Variants in PDE8A observed in about 807,000 individuals in gnomAD.
PDE8A encodes high affinity cAMP-specific and IBMX-insensitive 3',5'-cyclic phosphodiesterase 8A.
Under a neutral mutation model 105.0 loss-of-function variants are expected in PDE8A, and 59 were observed. The observed-to-expected ratio is 0.56, with a 90% CI of 0.46 to 0.70. The LOEUF (loss-of-function observed/expected upper bound fraction) is 0.70, where lower values mean the gene tolerates loss of function less well. Ranked by LOEUF, PDE8A falls within the 30% of genes least tolerant of loss-of-function variation. The pLI is 0.00. For synonymous variants in PDE8A, 355 were observed against 371.9 expected (o/e 0.95, Z 0.52); for missense variants, 1,014 against 1,045.9 (o/e 0.97, Z 0.42).
chr15:85,007,505 G>A (rs1453984405), intron 1 of PDE8A, among the ~76,000 whole-genome samples: 5 of 151,368 alleles, frequency 3.3e-5, no homozygotes, highest in Admixed American at 2.6e-4. Context: ...GTACAGTTAC[G>A]CTATATGTAC....
At chr15:85,094,688 C>T (rs888668137) in intron 8 of PDE8A, among the ~76,000 whole-genome samples, 3 of 152,160 alleles carry the variant, frequency 2.0e-5, no homozygotes, top group African/African-American at 2.4e-5. Context: ...CCCCGTTGGT[C>T]CCCTCCATCA....
chr15:85,076,053 A>G (rs780136366), intron 4 of PDE8A, 135 bp downstream of exon 4: 60 of 512,518 alleles, frequency 1.2e-4, no homozygotes, highest in Non-Finnish European at 1.9e-4. Context: ...TTTATTCTTT[A>G]TTTTATTTTG....
chr15:85,047,609 T>A (rs2080907454), intron 1 of PDE8A, among the ~76,000 whole-genome samples: 1 of 152,254 alleles, frequency 6.6e-6, no homozygotes, highest in South Asian at 2.1e-4. Context: ...ATTCATAGTC[T>A]TAAATCTTTT....
Position 85,075,946 on chromosome 15 carries a change from ATTGAGGTACCAGTGTAATAC to A in PDE8A, c.491+32_491+51del, listed in dbSNP as rs369353235. The stretch of plus-strand genomic sequence containing the variant: ...AAACTTTCATTTTTTTAATGTTGAA[ATTGAGGTACCAGTGTAATAC>A]TTGCTCTTAACAGATGGCCAAATAA... On this transcript the variant is annotated intron_variant, in intron 4 of 21. Coordinates refer to ENST00000394553, the MANE Select transcript of PDE8A (RefSeq NM_002605.3). 5.9e-4 allele frequency: 760 copies of A among 1,297,512 alleles called. 2 individuals are homozygous for A. The African/African-American group carries it at 9.6e-3, about 16-fold the overall frequency. The allele number at this position is 1,297,512 out of a possible 1,614,324, so 80.4% of individuals were successfully genotyped here.
intron 1 of PDE8A, among the ~76,000 whole-genome samples, chr15:85,049,285 A>G (rs553892405): frequency 1.5e-4 from 23 of 152,314 alleles, no homozygotes; most frequent in Admixed American, 1.2e-3. Context: ...ATCACCATCT[A>G]TCTCCAGAAC....
At chr15:85,116,154 A>G (rs747061853) in intron 16 of PDE8A, 35 bp downstream of exon 16, 28 of 1,610,374 alleles carry the variant, frequency 1.7e-5, no homozygotes, top group South Asian at 9.9e-5. Context: ...CGGGAGAACT[A>G]GATTCCCAGG....
Position 85,138,002 on chromosome 15 carries a change from AC to A in PDE8A, c.*100del, listed in dbSNP as rs2082440044. ...CTTGGTCCTTTCAGTACTAGGCAGA[AC>A]AGCCCCCGATCTGCATAGCCTGTGA... On this transcript the variant is annotated 3_prime_UTR_variant, in exon 22 of 22. Coordinates refer to ENST00000394553, the MANE Select transcript of PDE8A (RefSeq NM_002605.3). 5.6e-6 allele frequency: 4 copies of A among 713,444 alleles called. No homozygotes were observed. Among genetic ancestry groups the A allele is most frequent in the Non-Finnish European group, 9.9e-6 (4 of 402,898 alleles). The allele number at this position is 713,444 out of a possible 1,614,324, so 44.2% of individuals were successfully genotyped here.
At chr15:85,049,740 C>T (rs1233939627) in intron 1 of PDE8A, among the ~76,000 whole-genome samples, 1 of 152,192 alleles carries the variant, frequency 6.6e-6, no homozygotes, top group African/African-American at 2.4e-5. Context: ...TGTCATTAGA[C>T]ACTTGGGCTG....
intron 1 of PDE8A, among the ~76,000 whole-genome samples, chr15:85,010,822 T>A (rs2080227397): frequency 6.6e-6 from 1 of 152,170 alleles, no homozygotes; most frequent in Non-Finnish European, 1.5e-5. Context: ...GTAGGAAAAC[T>A]CAGCTGAAGG....
chr15:85,013,995 G>A (rs1037830128), intron 1 of PDE8A, among the ~76,000 whole-genome samples: 2 of 152,154 alleles, frequency 1.3e-5, no homozygotes, highest in African/African-American at 2.4e-5. Context: ...AAGCTACAAT[G>A]CCCTGTTTGA....
At chr15:85,017,032 C>T (rs1474262576) in intron 1 of PDE8A, among the ~76,000 whole-genome samples, 4 of 150,198 alleles carry the variant, frequency 2.7e-5, no homozygotes, top group Non-Finnish European at 5.9e-5. Flanking sequence ...GAGGCCGAGG[C>T]GGGTGGATCA....
intron 1 of PDE8A, among the ~76,000 whole-genome samples, chr15:85,056,229 G>C (rs1349964413): frequency 6.6e-6 from 1 of 152,062 alleles, no homozygotes; most frequent in Non-Finnish European, 1.5e-5. Flanking sequence ...TTTCTCTCTG[G>C]CTGCCCTTAA....
chr15:84,986,765 T>C (rs1241946591), intron 1 of PDE8A, among the ~76,000 whole-genome samples: 2 of 151,922 alleles, frequency 1.3e-5, no homozygotes, highest in East Asian at 1.9e-4. Context: ...GTGCGCACCA[T>C]GCATGGCCAG....
At chr15:85,117,145 A>G (rs2082109020) in intron 16 of PDE8A, among the ~76,000 whole-genome samples, 1 of 152,194 alleles carries the variant, frequency 6.6e-6, no homozygotes, top group Non-Finnish European at 1.5e-5. Flanking sequence ...ACCTCCAGAA[A>G]GGTGGGTGTT....
At chr15:85,134,474 T>C (rs765750377) in intron 20 of PDE8A, among the ~76,000 whole-genome samples, 1 of 152,228 alleles carries the variant, frequency 6.6e-6, no homozygotes, top group Middle Eastern at 3.4e-3. Flanking sequence ...CTGCTTTTCT[T>C]AGACAGCAGT....
intron 1 of PDE8A, among the ~76,000 whole-genome samples, chr15:84,985,377 TAATG>T (rs1356729913): frequency 2.0e-5 from 3 of 152,248 alleles, no homozygotes; most frequent in Non-Finnish European, 4.4e-5. Context: ...TGGTTACAGA[TAATG>T]AATGCTGTGT....
chr15:85,123,270 G>T, intron 19 of PDE8A, 77 bp downstream of exon 19: 2 of 1,409,286 alleles, frequency 1.4e-6, no homozygotes, highest in South Asian at 1.2e-5. Flanking sequence ...CATGGGCTAT[G>T]ATATCAGCCA....
At chr15:84,983,353 G>T (rs1474773299) in intron 1 of PDE8A, among the ~76,000 whole-genome samples, 1 of 152,162 alleles carries the variant, frequency 6.6e-6, no homozygotes, top group Non-Finnish European at 1.5e-5. Context: ...AGAGTAATTT[G>T]CAAAATTTGT....
intron 18 of PDE8A, among the ~76,000 whole-genome samples, chr15:85,121,885 A>T (rs1000779624): frequency 2.0e-5 from 3 of 152,126 alleles, no homozygotes; most frequent in Non-Finnish European, 4.4e-5. Flanking sequence ...ACAATATGTG[A>T]TCTTTTGTAA....
Sources: gnomAD v4.1 joint callset for allele counts (sites outside exome capture counted in the v4.1 genomes callset) on GRCh38, gnomAD v4.1.1 for gene constraint, MANE v1.5 for transcripts, NCBI Gene and HGNC (gene_info 2026-07-23, HGNC 2026-07-21) for gene names.